The following RIC1 variants were observed in gnomAD, a reference collection of about 807,000 sequenced individuals.
RIC1 encodes the protein guanine nucleotide exchange factor subunit RIC1.
A neutral mutation model predicts 169.0 loss-of-function variants in RIC1; 88 were observed. The observed-to-expected ratio is 0.52, with a 90% CI of 0.44 to 0.62. The LOEUF is 0.62. Ranked by LOEUF, RIC1 falls within the 20% of genes least tolerant of loss-of-function variation. RIC1 has a pLI of 0.00. For synonymous variants in RIC1, 790 were observed against 601.5 expected (o/e 1.31, Z -4.59); for missense variants, 1,877 against 1,725.5 (o/e 1.09, Z -1.56).
intron 2 of RIC1, among the ~76,000 whole-genome samples, chr9:5,682,621 C>A (rs553291747): frequency 6.8e-4 from 103 of 152,260 alleles, no homozygotes; most frequent in African/African-American, 2.4e-3. Flanking sequence ...TTTGCTGAAT[C>A]TGACAATTAT....
At chr9:5,655,143 C>T (rs1490277605) in intron 1 of RIC1, among the ~76,000 whole-genome samples, 2 of 152,154 alleles carry the variant, frequency 1.3e-5, no homozygotes, top group African/African-American at 4.8e-5. Context: ...TGAGTGGAGA[C>T]ATCCTTCCCT....
At chr9:5,729,058 G>A (rs1401104696) in intron 6 of RIC1, among the ~76,000 whole-genome samples, 1 of 152,026 alleles carries the variant, frequency 6.6e-6, no homozygotes, top group African/African-American at 2.4e-5. Flanking sequence ...AGTGTTCCTT[G>A]GAAAAGAGTC....
At chr9:5,689,920 T>G (rs757349466) in intron 2 of RIC1, 39 bp from the exon 3 acceptor site, 6 of 1,353,124 alleles carry the variant, frequency 4.4e-6, no homozygotes, top group Non-Finnish European at 6.3e-6. Flanking sequence ...AGTTATAGCC[T>G]TACTCTTTAA....
rs1389311188 is a variant in RIC1 at position 5,636,113 on chromosome 9, A to G, written c.144+6660A>G. Reference sequence around the variant, plus strand: ...GAAAATATCATTGAAATTCTGATAGAGATTGCATTGAATCCATAGATTGGT... The same window carrying G: ...GAAAATATCATTGAAATTCTGATAGGGATTGCATTGAATCCATAGATTGGT... On this transcript the variant is annotated intron_variant, in intron 1 of 25. Transcript: ENST00000414202. 2.0e-5 allele frequency among the ~76,000 whole-genome samples: 3 copies of G among 152,208 alleles called. No homozygotes were observed. In the East Asian group the frequency reaches 5.8e-4, roughly 29 times the overall value.
Position 5,757,456 on chromosome 9 carries a change from C to T in RIC1, c.1992+5C>T. The stretch of plus-strand genomic sequence containing the variant: ...ACCTTGAAAATGCCACAGCAGGTAC[C>T]ACTCCATTATCAAAGGTCTTTGGAG... On this transcript the variant is annotated splice_donor_5th_base_variant and intron_variant, in intron 17 of 25. Coordinates refer to ENST00000414202, the MANE Select transcript of RIC1 (RefSeq NM_020829.4). The T allele has an allele frequency of 6.2e-7, 1 of 1,613,768 alleles. No homozygotes were observed. The highest frequency in any genetic ancestry group is 8.5e-7 in the Non-Finnish European group (1 of 1,179,772).
intron 2 of RIC1, among the ~76,000 whole-genome samples, chr9:5,662,678 A>T (rs1418517206): frequency 1.3e-5 from 2 of 152,020 alleles, no homozygotes; most frequent in East Asian, 3.8e-4. Context: ...TGGGGTCAGG[A>T]TGATATCCCC....
intron 8 of RIC1, among the ~76,000 whole-genome samples, chr9:5,739,460 A>G (rs2130961477): frequency 6.6e-6 from 1 of 152,126 alleles, no homozygotes; most frequent in East Asian, 1.9e-4. Flanking sequence ...CCAGATTTCT[A>G]TTTATGTAAA....
chr9:5,654,772 T>A (rs1272359626), intron 1 of RIC1, among the ~76,000 whole-genome samples: 1 of 152,016 alleles, frequency 6.6e-6, no homozygotes, highest in Non-Finnish European at 1.5e-5. Flanking sequence ...AGGCTGGTCT[T>A]GAACTCCTGA....
intron 1 of RIC1, among the ~76,000 whole-genome samples, chr9:5,630,672 AAAAC>A (rs1418218490): frequency 1.3e-5 from 2 of 152,250 alleles, no homozygotes; most frequent in Non-Finnish European, 1.5e-5. Context: ...AAATCAGAAC[AAAAC>A]AAACTTATAA....
chr9:5,681,413 G>T (rs533431980), intron 2 of RIC1, among the ~76,000 whole-genome samples: 3 of 149,838 alleles, frequency 2.0e-5, no homozygotes, highest in East Asian at 2.0e-4. Flanking sequence ...CCTTCATTTC[G>T]CAGGAGCAGG....
At chr9:5,777,489 G>A (rs372422890), downstream of RIC1, among the ~76,000 whole-genome samples, 6 of 151,276 alleles carry the variant, frequency 4.0e-5, no homozygotes, top group South Asian at 2.1e-4. Context: ...ACAATCACAC[G>A]GACTCTGAAT....
At chr9:5,680,234 T>G (rs1820733675) in intron 2 of RIC1, among the ~76,000 whole-genome samples, 1 of 152,246 alleles carries the variant, frequency 6.6e-6, no homozygotes, top group Non-Finnish European at 1.5e-5. Flanking sequence ...GCTGCTGGAT[T>G]CAGTTTGCCA....
intron 1 of RIC1, among the ~76,000 whole-genome samples, chr9:5,653,927 C>G (rs1818945062): frequency 6.6e-6 from 1 of 152,134 alleles, no homozygotes; most frequent in African/African-American, 2.4e-5. Flanking sequence ...TCTTTGGTAT[C>G]TTTCATTAGT....
At chr9:5,641,958 C>T (rs1818274580) in intron 1 of RIC1, among the ~76,000 whole-genome samples, 1 of 143,654 alleles carries the variant, frequency 7.0e-6, no homozygotes, top group Admixed American at 6.8e-5. Context: ...TCATGTTTTC[C>T]TGGATGATCT....
chr9:5,649,380 G>C, intron 1 of RIC1, among the ~76,000 whole-genome samples: 1 of 152,092 alleles, frequency 6.6e-6, no homozygotes, highest in South Asian at 2.1e-4. Flanking sequence ...TGTAGGCTTT[G>C]TTCATTCTTA....
chr9:5,777,784 G>T (rs189863662), downstream of RIC1, among the ~76,000 whole-genome samples: 2 of 152,074 alleles, frequency 1.3e-5, no homozygotes, highest in African/African-American at 2.4e-5. Context: ...AACTATAGAG[G>T]TATGGGTTTA....
At chr9:5,708,923 A>G (rs866127498) in intron 3 of RIC1, among the ~76,000 whole-genome samples, 4 of 150,266 alleles carry the variant, frequency 2.7e-5, no homozygotes, top group Middle Eastern at 3.4e-3. Flanking sequence ...TTTTTTTTTC[A>G]TTCTTTTTTC....
intron 12 of RIC1, among the ~76,000 whole-genome samples, chr9:5,750,445 G>A (rs1825654324): frequency 6.6e-6 from 1 of 151,796 alleles, no homozygotes; most frequent in African/African-American, 2.4e-5. Context: ...AGTATTTAAA[G>A]GCTCTTTCAT....
intron 3 of RIC1, among the ~76,000 whole-genome samples, chr9:5,696,313 A>G (rs1382295089): frequency 1.3e-5 from 2 of 151,640 alleles, no homozygotes; most frequent in East Asian, 3.9e-4. Flanking sequence ...TTTAGAACCT[A>G]CTTTCTCCAT....
Sources: gnomAD v4.1 joint callset for allele counts (sites outside exome capture counted in the v4.1 genomes callset) on GRCh38, gnomAD v4.1.1 for gene constraint, MANE v1.5 for transcripts, NCBI Gene and HGNC (gene_info 2026-07-23, HGNC 2026-07-21) for gene names.